The following CCDC141 variants were observed in gnomAD, a reference collection of about 807,000 sequenced individuals.
The protein encoded by CCDC141 is coiled-coil domain-containing protein 141.
CCDC141 carries 168 observed loss-of-function variants against 181.0 expected under a neutral mutation model. The observed-to-expected ratio is 0.93, with a 90% CI of 0.82 to 1.05. The LOEUF (loss-of-function observed/expected upper bound fraction) is 1.05. CCDC141 is among the 50% of genes least tolerant of loss of function. CCDC141 has a pLI of 0.00. For synonymous variants in CCDC141, 666 were observed against 642.3 expected, an observed-to-expected ratio of 1.04 and a Z score of -0.56; for missense variants, 1,902 against 1,788.5, an observed-to-expected ratio of 1.06 and a Z score of -1.14.
intron 6 of CCDC141, among the ~76,000 whole-genome samples, chr2:178,929,529 G>A (rs527685097): frequency 7.2e-6 from 1 of 138,726 alleles, no homozygotes; most frequent in East Asian, 2.3e-4. Flanking sequence ...TACTTCTGAG[G>A]AAATATTCCT....
chr2:178,846,059 C>A (rs1422062142), intron 21 of CCDC141, among the ~76,000 whole-genome samples: 3 of 152,064 alleles, frequency 2.0e-5, no homozygotes, highest in African/African-American at 7.2e-5. Context: ...TTATGCATGG[C>A]AGTGTAAACC....
Position 178,856,356 on chromosome 2 carries a change from A to C in CCDC141, c.2766T>G (p.Asn922Lys). The part of the protein sequence containing the change: ...SFKDIKKKFN[N>K]LKFNYTKKNE... The stretch of plus-strand genomic sequence containing the variant: ...TTTTCTTAGTGTAATTAAACTTCAA[A>C]TTATTGAATTTCTTTTTGATATCTT... Residue 922 changes from asparagine to lysine, a missense_variant, in exon 18 of 24, where the codon AAT becomes AAG. Physicochemically the swap from Asn to Lys is moderately conservative, Grantham distance 94. Transcript: ENST00000443758. 6.2e-7 allele frequency: 1 copy of C among 1,603,690 alleles called. No individual in the cohort carries two copies. Among genetic ancestry groups the C allele is most frequent in the Non-Finnish European group, 8.5e-7 (1 of 1,172,608 alleles).
chr2:178,872,569 T>C (rs1265984394), intron 12 of CCDC141, among the ~76,000 whole-genome samples: 1 of 152,100 alleles, frequency 6.6e-6, no homozygotes, highest in Non-Finnish European at 1.5e-5. Context: ...GGTTATTTCC[T>C]GGGGTTTGAA....
intron 4 of CCDC141, among the ~76,000 whole-genome samples, chr2:178,965,367 G>T (rs1302478213): frequency 1.3e-5 from 2 of 152,218 alleles, no homozygotes; most frequent in Non-Finnish European, 2.9e-5. Flanking sequence ...CGGGTCTGCA[G>T]CTCCTAGAGA....
intron 6 of CCDC141, among the ~76,000 whole-genome samples, chr2:178,943,658 G>A (rs1689612326): frequency 6.6e-6 from 1 of 152,042 alleles, no homozygotes; most frequent in Non-Finnish European, 1.5e-5. Flanking sequence ...AATCTTGATA[G>A]TGATTATTCA....
At chr2:178,884,239 G>GGA (rs533079383) in intron 11 of CCDC141, among the ~76,000 whole-genome samples, 3 of 113,624 alleles carry the variant, frequency 2.6e-5, no homozygotes, top group East Asian at 2.2e-4. Context: ...ATAATGTGAA[G>GGA]AAAAAAAAAA....
chr2:178,977,335 T>A (rs13403584), intron 3 of CCDC141, among the ~76,000 whole-genome samples: 64,805 of 151,896 alleles, frequency 0.43, 14,402 homozygotes, highest in East Asian at 0.71. Flanking sequence ...GAAAATTTCC[T>A]GGGCTCAAAA....
chr2:178,911,960 T>A (rs1271213453), intron 7 of CCDC141, among the ~76,000 whole-genome samples: 1 of 152,340 alleles, frequency 6.6e-6, no homozygotes, highest in Middle Eastern at 3.4e-3. Context: ...GTAATTAAAT[T>A]ATCTTCTTTC....
chr2:178,847,532 A>G (rs374025433), intron 21 of CCDC141, among the ~76,000 whole-genome samples: 4 of 152,312 alleles, frequency 2.6e-5, no homozygotes, highest in African/African-American at 9.6e-5. Flanking sequence ...CACTGTCTCT[A>G]AATAAATAAA....
rs74787366 is a variant in CCDC141, at chr2:178,914,063, G to C, written c.1092+4650C>G. Among the ~76,000 whole-genome samples, 656 of 152,202 alleles carry C rather than the reference G, an allele frequency of 4.3e-3. 8 individuals carry two copies. The highest frequency in any genetic ancestry group is 0.015 in the African/African-American group (629 of 41,520). On this transcript the variant is annotated intron_variant, in intron 7 of 23. Transcript: ENST00000443758. ...GGGTGATCAATAAATATCAACCATA[G>C]CTTAGCTTGTTTTCTGTGAACACAC...
downstream of CCDC141, among the ~76,000 whole-genome samples, chr2:178,825,706 C>T (rs373464752): frequency 1.4e-4 from 20 of 145,430 alleles, no homozygotes; most frequent in African/African-American, 4.8e-4. Flanking sequence ...TCCATAATGT[C>T]TGCAACCAAC....
intron 8 of CCDC141, among the ~76,000 whole-genome samples, chr2:178,891,775 C>A (rs1575177613): frequency 2.2e-5 from 1 of 46,488 alleles, no homozygotes; most frequent in South Asian, 9.7e-4. Context: ...CATATAGGAT[C>A]TCTCTCTCTC....
chr2:179,039,500 G>A (rs187651454), intron 2 of CCDC141, among the ~76,000 whole-genome samples: 29 of 152,044 alleles, frequency 1.9e-4, no homozygotes, highest in African/African-American at 6.0e-4. Context: ...TTCTTTTTAG[G>A]TGTGTGAAGG....
intron 7 of CCDC141, among the ~76,000 whole-genome samples, chr2:178,918,470 A>G (rs1282756266): frequency 6.6e-6 from 1 of 151,958 alleles, no homozygotes; most frequent in East Asian, 1.9e-4. Flanking sequence ...AAGACAAAAA[A>G]CCCTCACGAG....
In CCDC141 at chr2:178,888,656, G is replaced by A. The variant is rs749928552; in HGVS notation, c.1278C>T (p.Ser426=). Residue 426 remains serine (S), a synonymous_variant, in exon 9 of 24, where the codon TCC becomes TCT. Coordinates refer to ENST00000443758, the MANE Select transcript of CCDC141 (RefSeq NM_173648.4). The stretch of plus-strand genomic sequence containing the variant: ...TGCACCCCATCATCTCATGGATGCC[G>A]GACACCTGAGAGCTGAACAGAGCAA... ...SQVDSCSSQV[S]GIHEMMGCIK... is the part of the protein sequence containing the mutation. 42 of 1,550,316 alleles carry A rather than the reference G, an allele frequency of 2.7e-5. No homozygotes were observed. The Admixed American group carries it at 4.1e-4, about 15-fold the overall frequency.
At chr2:179,034,170 A>T (rs957994813) in intron 2 of CCDC141, among the ~76,000 whole-genome samples, 12 of 152,224 alleles carry the variant, frequency 7.9e-5, no homozygotes, top group African/African-American at 2.9e-4. Context: ...GCAATAAAAA[A>T]GAATGAGATA....
At chr2:178,946,232 T>C (rs973615851) in intron 5 of CCDC141, among the ~76,000 whole-genome samples, 1 of 152,206 alleles carries the variant, frequency 6.6e-6, no homozygotes, top group African/African-American at 2.4e-5. Flanking sequence ...TTTACAATTA[T>C]TTGAAGACAG....
At chr2:178,904,969 C>A (rs1430939109) in intron 8 of CCDC141, among the ~76,000 whole-genome samples, 1 of 152,176 alleles carries the variant, frequency 6.6e-6, no homozygotes, top group Non-Finnish European at 1.5e-5. Flanking sequence ...ACAGGATAGA[C>A]TCAAGACTCA....
chr2:178,844,235 A>G (rs1419786294), intron 22 of CCDC141, among the ~76,000 whole-genome samples: 1 of 152,192 alleles, frequency 6.6e-6, no homozygotes, highest in African/African-American at 2.4e-5. Flanking sequence ...TGGAGTTAGT[A>G]ACTCTTAGAA....
Sources: allele counts gnomAD v4.1 joint callset (sites outside exome capture counted in the v4.1 genomes callset), GRCh38; gene constraint gnomAD v4.1.1; transcripts MANE v1.5; gene names NCBI Gene and HGNC (gene_info 2026-07-23, HGNC 2026-07-21).